Variants in AJM1 observed in about 807,000 individuals in gnomAD.
AJM1 encodes the protein uncharacterized protein C9orf172.
In AJM1, 22 loss-of-function variants were observed where a neutral mutation model predicts 43.0. The observed-to-expected ratio is 0.51, with a 90% CI of 0.37 to 0.73. The LOEUF is 0.73. Among genes scored for constraint, AJM1 ranks in the 30% least tolerant of loss-of-function variants. The pLI, the probability that AJM1 is intolerant of heterozygous loss-of-function variation, is 0.00. For missense variants in AJM1, 1,305 were observed against 1,343.3 expected, an observed-to-expected ratio of 0.97 and a Z score of 0.45; for synonymous variants, 719 against 638.3, an observed-to-expected ratio of 1.13 and a Z score of -1.91.
At chr9:136,843,485 AGAG>A (rs926970353) in intron 1 of AJM1, among the ~76,000 whole-genome samples, 4 of 152,180 alleles carry the variant, frequency 2.6e-5, no homozygotes, top group African/African-American at 7.2e-5. Context: ...TGCGCAGCTC[AGAG>A]GAGGGGCTGC....
Position 136,845,579 on chromosome 9 carries a change from G to C in AJM1, c.1165G>C (p.Ala389Pro), listed in dbSNP as rs760566982. 2 of 1,587,326 alleles carry C rather than the reference G, an allele frequency of 1.3e-6. No homozygotes were observed. Among genetic ancestry groups the C allele is most frequent in the South Asian group, 1.1e-5 (1 of 88,456 alleles). The change falls in exon 3 of 3, where the codon GCT becomes CCT. Residue 389 changes from alanine (A) to proline (P), a missense_variant. Transcript: ENST00000436881. ...FGRYRERDVL[A>P]RTYPHPRSSP... Reference sequence around the variant, plus strand: ...AAGGTACCGCGAGCGTGACGTCCTGGCTCGGACGTACCCGCACCCGCGCAG... The same window carrying C: ...AAGGTACCGCGAGCGTGACGTCCTGCCTCGGACGTACCCGCACCCGCGCAG...
rs769718857 is a variant in AJM1, at chr9:136,844,585, G to T, written c.171G>T (p.Glu57Asp). 1.9e-6 allele frequency: 3 copies of T among 1,590,660 alleles called. No individual in the cohort carries two copies. Among genetic ancestry groups the T allele is most frequent in the South Asian group, 1.1e-5 (1 of 88,384 alleles). The part of the protein sequence containing the change: ...KRHCRSFDFL[E>D]ALDGPAMETL... Reference sequence around the variant, plus strand: ...ACTGCCGCAGCTTCGACTTCCTGGAGGCGCTGGACGGGCCGGCCATGGAGA... The same window carrying T: ...ACTGCCGCAGCTTCGACTTCCTGGATGCGCTGGACGGGCCGGCCATGGAGA... The change falls in exon 3 of 3, where the codon GAG (glutamate) becomes GAT (aspartate). Residue 57 changes from glutamate (E) to aspartate (D), a missense_variant. Around this residue, in one of 6 missense-constraint regions of AJM1, gnomAD observed 128 missense variants for 120.6 expected, o/e 1.06. Transcript: ENST00000436881.
chr9:136,846,499 G>C lies in AJM1; in HGVS notation c.2085G>C (p.Ser695=). 6.3e-7 allele frequency: 1 copy of C among 1,593,484 alleles called. No homozygotes were observed. The highest frequency in any genetic ancestry group is 8.5e-7 in the Non-Finnish European group (1 of 1,176,954). The change falls in exon 3 of 3, where the codon TCG becomes TCC. Residue 695 remains serine, a synonymous_variant. Coordinates refer to ENST00000436881, the MANE Select transcript of AJM1 (RefSeq NM_001080482.5). ...SCHSCYTYYC[S]RLCRREDWDA... is the part of the protein sequence containing the mutation. ...ACAGCTGCTACACCTACTACTGCTC[G>C]CGCCTGTGCCGCCGCGAGGACTGGG...
Position 136,846,740 on chromosome 9 carries a change from TC to T in AJM1, c.2331del (p.Thr778ProfsTer73). The T allele has an allele frequency of 1.9e-6, 3 of 1,602,094 alleles. No individual in the cohort carries two copies. Among genetic ancestry groups the T allele is most frequent in the Non-Finnish European group, 8.5e-7 (1 of 1,177,878 alleles). On this transcript the variant is annotated frameshift_variant, in exon 3 of 3. Transcript: ENST00000436881. LOFTEE classifies it high-confidence loss of function. The part of the protein sequence containing the change: ...LRFGLEGLLL[S>X]PTYLSLRELA... ...CTTTGGCCTGGAGGGGCTGCTGCTATCCCCCACCTACCTATCGCTGCGTGAG... is the reference window on the plus strand; with the variant it reads ...CTTTGGCCTGGAGGGGCTGCTGCTATCCCCACCTACCTATCGCTGCGTGAG...
rs1236660899 is a variant in AJM1, at chr9:136,845,701, C to T, written c.1287C>T (p.Gly429=). ...DPDPLLASWH[G]GTGTSPPRLA... ...ACCCGTTGCTCGCCTCCTGGCACGG[C>T]GGCACCGGCACCAGTCCGCCCCGGC... Residue 429 remains glycine, a synonymous_variant, in exon 3 of 3, where the codon GGC becomes GGT. Transcript: ENST00000436881. 2 of 1,568,256 alleles carry T rather than the reference C, an allele frequency of 1.3e-6. No individual in the cohort carries two copies. The highest frequency in any genetic ancestry group is 1.7e-6 in the Non-Finnish European group (2 of 1,165,772).
rs1299583790 is a variant in AJM1, at chr9:136,845,444, T to G, written c.1030T>G (p.Tyr344Asp). 1 of 1,611,396 alleles carries G rather than the reference T, an allele frequency of 6.2e-7. No individual in the cohort carries two copies. The highest frequency in any genetic ancestry group is 1.7e-5 in the Admixed American group (1 of 59,866). The change falls in exon 3 of 3, where the codon TAC becomes GAC. Residue 344 changes from tyrosine to aspartate, a missense_variant. This residue lies in a region of AJM1 where 653 missense variants were observed against 549.1 expected (regional missense o/e 1.19). Coordinates refer to ENST00000436881, the MANE Select transcript of AJM1 (RefSeq NM_001080482.5). ...AATCCAGGAACCGCCCTCCCGCTCC[T>G]ACTATGGGGAGGCTCCACGAGCCTA... ...FPIQEPPSRS[Y>D]YGEAPRAYGL...
At position 136,844,644 on chromosome 9, in the gene AJM1, T is replaced by C; in HGVS notation, c.230T>C (p.Val77Ala). ...LPEPPPPESA[V>A]PRARTREAEP... ...GAGCCACCGCCGCCGGAGTCCGCTG[T>C]GCCGCGCGCCCGGACCCGCGAAGCC... The change falls in exon 3 of 3, where the codon GTG becomes GCG. Residue 77 changes from valine (V) to alanine (A), a missense_variant. Physicochemically the swap from Val to Ala is moderately conservative, Grantham distance 64. Transcript: ENST00000436881. The C allele has an allele frequency of 6.6e-7, 1 of 1,513,322 alleles. No individual in the cohort carries two copies. 93.7% of individuals were successfully genotyped at this position (1,513,322 alleles called of 1,614,324 possible).
rs1848756029 is a variant in AJM1, at chr9:136,845,350, C to G, written c.936C>G (p.Ser312=). The G allele has an allele frequency of 6.2e-7, 1 of 1,612,426 alleles. No homozygotes were observed. The stretch of plus-strand genomic sequence containing the variant: ...CCTACTACCCCAGGCCCTATCCGTC[C>G]GAGGAGCTCTCGGGGCCCAGTCCAA... ...FDAYYPRPYP[S]EELSGPSPRR... Residue 312 remains serine (S), a synonymous_variant, in exon 3 of 3, where the codon TCC becomes TCG. Coordinates refer to ENST00000436881, the MANE Select transcript of AJM1 (RefSeq NM_001080482.5).
chr9:136,844,985 A>G lies in AJM1; in HGVS notation c.571A>G (p.Lys191Glu), dbSNP rs1260013255. 2 of 615,960 alleles carry G rather than the reference A, an allele frequency of 3.2e-6. No individual in the cohort carries two copies. Among genetic ancestry groups the G allele is most frequent in the South Asian group, 1.8e-5 (1 of 55,082 alleles). 38.2% of individuals were successfully genotyped at this position (615,960 alleles called of 1,614,324 possible). A position where few individuals can be genotyped will look rare whatever the true frequency, so the allele number is the denominator to read the frequency against. Reference sequence around the variant, plus strand: ...CCACGTGCGCTGCCGCCTGGACATCAAGCCAGACGACGCAGTGCTCCAGCA... The same window carrying G: ...CCACGTGCGCTGCCGCCTGGACATCGAGCCAGACGACGCAGTGCTCCAGCA... ...APHVRCRLDI[K>E]PDDAVLQHAT... is the part of the protein sequence containing the mutation. The change falls in exon 3 of 3, where the codon AAG becomes GAG. Residue 191 changes from lysine to glutamate, a missense_variant. By Grantham distance (56) the Lys-to-Glu change is moderately conservative. Transcript: ENST00000436881.
chr9:136,846,502 C>T lies in AJM1; in HGVS notation c.2088C>T (p.Arg696=), dbSNP rs915109878. The part of the protein sequence containing the change: ...CHSCYTYYCS[R]LCRREDWDAH... ...GCTGCTACACCTACTACTGCTCGCG[C>T]CTGTGCCGCCGCGAGGACTGGGACG... is the stretch of plus-strand genomic sequence containing the variant. The change falls in exon 3 of 3, where the codon CGC becomes CGT. Residue 696 remains arginine (R), a synonymous_variant. Transcript: ENST00000436881. The T allele has an allele frequency of 1.3e-6, 2 of 1,592,000 alleles. No individual in the cohort carries two copies. Among genetic ancestry groups the T allele is most frequent in the Non-Finnish European group, 1.7e-6 (2 of 1,175,504 alleles).
At position 136,845,470 on chromosome 9, in the gene AJM1, C is replaced by T. The variant is rs1352989364; in HGVS notation, c.1056C>T (p.Tyr352=). 20 of 1,608,934 alleles carry T rather than the reference C, an allele frequency of 1.2e-5. No individual in the cohort carries two copies. The highest frequency in any genetic ancestry group is 5.1e-5 in the Admixed American group (3 of 59,404). The change falls in exon 3 of 3, where the codon TAC becomes TAT. Residue 352 remains tyrosine (Y), a synonymous_variant. Transcript: ENST00000436881. ...RSYYGEAPRA[Y]GLPYGPRYVP... ...ACTATGGGGAGGCTCCACGAGCCTA[C>T]GGCCTGCCCTACGGGCCCCGCTATG...
In AJM1 at chr9:136,847,553, C is replaced by A. The variant is rs955138855; in HGVS notation, c.*208C>A. ...CCCAGGCCCCCACCCCCCGGCCCTT[C>A]GTCCCCGTAGTGTTCCTCACAGGCC... is the stretch of plus-strand genomic sequence containing the variant. On this transcript the variant is annotated 3_prime_UTR_variant, in exon 3 of 3. Transcript: ENST00000436881. 4.1e-6 allele frequency: 2 copies of A among 487,306 alleles called. No homozygotes were observed. The highest frequency in any genetic ancestry group is 7.1e-6 in the Non-Finnish European group (2 of 280,706). 30.2% of individuals were successfully genotyped at this position (487,306 alleles called of 1,614,324 possible).
intron 1 of AJM1, among the ~76,000 whole-genome samples, 37 bp downstream of exon 1, chr9:136,842,626 C>T (rs1039194773): frequency 8.5e-5 from 13 of 152,200 alleles, no homozygotes; most frequent in South Asian, 2.1e-4. Context: ...AGTGTGTCAC[C>T]GTCATGGGCG....
In AJM1 at chr9:136,847,075, C is replaced by T; in HGVS notation, c.2661C>T (p.Asp887=). ...CGGGCACGGCGGGCCTGGATCAGGA[C>T]GGCGAGGCGGGCCGGCGCGCGCGCG... The part of the protein sequence containing the change: ...PPPGTAGLDQ[D]GEAGRRAREV... The change falls in exon 3 of 3, where the codon GAC becomes GAT. Residue 887 remains aspartate, a synonymous_variant. Transcript: ENST00000436881. The T allele has an allele frequency of 6.9e-7, 1 of 1,452,944 alleles. No individual in the cohort carries two copies. Among genetic ancestry groups the T allele is most frequent in the Middle Eastern group, 1.8e-4 (1 of 5,574 alleles). 90.0% of individuals were successfully genotyped at this position (1,452,944 alleles called of 1,614,324 possible). A position where few individuals can be genotyped will look rare whatever the true frequency, so the allele number is the denominator to read the frequency against.
Position 136,847,470 on chromosome 9 carries a change from G to A in AJM1, c.*125G>A. The A allele has an allele frequency of 1.4e-6, 1 of 723,944 alleles. No individual in the cohort carries two copies. Among genetic ancestry groups the A allele is most frequent in the Non-Finnish European group, 2.1e-6 (1 of 484,634 alleles). 44.8% of individuals were successfully genotyped at this position (723,944 alleles called of 1,614,324 possible). On this transcript the variant is annotated 3_prime_UTR_variant, in exon 3 of 3. Coordinates refer to ENST00000436881, the MANE Select transcript of AJM1 (RefSeq NM_001080482.5). ...CAGGGCCCCACCCCGACTTCTTCTA[G>A]GCCCCGCCTCTAATTCCCCAGCCTT...
At chr9:136,844,304 T>A (rs1447047884) in intron 2 of AJM1, 25 bp downstream of exon 2, 1 of 861,978 alleles carries the variant, frequency 1.2e-6, no homozygotes, top group Non-Finnish European at 1.9e-6. Flanking sequence ...CGTGGGGGAG[T>A]AGCGGGGCCT....
At position 136,845,546 on chromosome 9, in the gene AJM1, G is replaced by T. The variant is rs757602551; in HGVS notation, c.1132G>T (p.Asp378Tyr). ...CACCGCCCGCCCCTTTTACACGGAG[G>T]ACTTCGGAAGGTACCGCGAGCGTGA... Reference protein sequence around the residue: ...HSTARPFYTEDFGRYRERDVL... With the variant: ...HSTARPFYTEYFGRYRERDVL... Residue 378 changes from aspartate (D) to tyrosine (Y), a missense_variant, in exon 3 of 3, where the codon GAC becomes TAC. Around this residue, in one of 6 missense-constraint regions of AJM1, gnomAD observed 653 missense variants for 549.1 expected, o/e 1.19. Coordinates refer to ENST00000436881, the MANE Select transcript of AJM1 (RefSeq NM_001080482.5). 6.3e-6 allele frequency: 10 copies of T among 1,595,736 alleles called. No homozygotes were observed. Among genetic ancestry groups the T allele is most frequent in the Middle Eastern group, 3.3e-4 (2 of 6,064 alleles).
chr9:136,845,087 C>T lies in AJM1; in HGVS notation c.673C>T (p.Leu225Phe), dbSNP rs2131216296. The T allele has an allele frequency of 1.5e-6, 2 of 1,303,028 alleles. No individual in the cohort carries two copies. The highest frequency in any genetic ancestry group is 1.1e-6 in the Non-Finnish European group (1 of 921,522). The allele number at this position is 1,303,028 out of a possible 1,614,324, so 80.7% of individuals were successfully genotyped here. ...WARPAPQFHG[L>F]TVPGPRHMAL... ...CCGCCCCGCCCCGCAGTTCCACGGC[C>T]TCACGGTGCCCGGGCCCCGCCACAT... Residue 225 changes from leucine to phenylalanine, a missense_variant, in exon 3 of 3, where the codon CTC (leucine) becomes TTC (phenylalanine). Around this residue, in one of 6 missense-constraint regions of AJM1, gnomAD observed 653 missense variants for 549.1 expected, o/e 1.19. Coordinates refer to ENST00000436881, the MANE Select transcript of AJM1 (RefSeq NM_001080482.5).
In AJM1 at chr9:136,847,269, G is replaced by A; in HGVS notation, c.2855G>A (p.Cys952Tyr). 5 of 1,590,624 alleles carry A rather than the reference G, an allele frequency of 3.1e-6. No individual in the cohort carries two copies. Among genetic ancestry groups the A allele is most frequent in the Non-Finnish European group, 4.3e-6 (5 of 1,172,960 alleles). ...TDRRTGRPFM[C>Y]MIMAASEPRA... ...CGGCGCACCGGCCGCCCCTTCATGTGCATGATCATGGCCGCCTCCGAGCCG... is the reference window on the plus strand; with the variant it reads ...CGGCGCACCGGCCGCCCCTTCATGTACATGATCATGGCCGCCTCCGAGCCG... Residue 952 changes from cysteine (C) to tyrosine (Y), a missense_variant, in exon 3 of 3, where the codon TGC becomes TAC. Physicochemically the swap from Cys to Tyr is radical, Grantham distance 194 (BLOSUM62 -2). Coordinates refer to ENST00000436881, the MANE Select transcript of AJM1 (RefSeq NM_001080482.5).
Sources: gnomAD v4.1 joint callset for allele counts (sites outside exome capture counted in the v4.1 genomes callset) on GRCh38, gnomAD v4.1.1 for gene constraint, gnomAD v4.1.1 regional missense constraint, MANE v1.5 for transcripts, NCBI Gene and HGNC (gene_info 2026-07-23, HGNC 2026-07-21) for gene names.